Variants in GSTO2 observed in about 807,000 individuals in gnomAD.
GSTO2 encodes the protein glutathione S-transferase omega-2.
In GSTO2, 23 loss-of-function variants were observed where a neutral mutation model predicts 28.4. That is an observed-to-expected ratio of 0.81 (90% CI 0.58 to 1.15). The LOEUF (loss-of-function observed/expected upper bound fraction) is 1.15. Ranked by LOEUF, GSTO2 falls within the 50% of genes most tolerant of loss-of-function variation. The probability of loss-of-function intolerance (pLI) is 0.00; values close to 1 mark genes in which losing one functional copy is unlikely to be tolerated. For missense variants in GSTO2, 298 were observed against 297.8 expected, an observed-to-expected ratio of 1.00 and a Z score of 0.00; for synonymous variants, 109 against 111.0, an observed-to-expected ratio of 0.98 and a Z score of 0.11.
At chr10:104,285,342 C>T (rs948402807) in intron 5 of GSTO2, among the ~76,000 whole-genome samples, 1 of 152,172 alleles carries the variant, frequency 6.6e-6, no homozygotes, top group Non-Finnish European at 1.5e-5. Flanking sequence ...AGTCATGGCT[C>T]ACTGTCGTCT....
At position 104,300,729 on chromosome 10, in the gene GSTO2, C is replaced by T. The variant is rs545156330; in HGVS notation, c.*1445C>T. 1.0e-4 allele frequency: 16 copies of T among 152,410 alleles called. No individual in the cohort carries two copies. The highest frequency in any genetic ancestry group is 3.6e-4 in the African/African-American group (15 of 41,554). 9.4% of individuals were successfully genotyped at this position (152,410 alleles called of 1,614,324 possible). A position where few individuals can be genotyped will look rare whatever the true frequency, so the allele number is the denominator to read the frequency against. ...AGCTTTGCTCATGCTGGATCCTTTC[C>T]CATCCTCCTAGCTGTGCTGAGACAC... On this transcript the variant is annotated 3_prime_UTR_variant, in exon 7 of 7. Transcript: ENST00000338595.
intron 5 of GSTO2, chr10:104,295,343 A>G (rs1471236562): frequency 1.3e-5 from 2 of 152,364 alleles, no homozygotes; most frequent in East Asian, 3.9e-4. Flanking sequence ...GACTTCCAGG[A>G]CAATGATCAG....
At chr10:104,287,540 T>C (rs1269055535) in intron 5 of GSTO2, among the ~76,000 whole-genome samples, 2 of 152,208 alleles carry the variant, frequency 1.3e-5, no homozygotes, top group African/African-American at 4.8e-5. Context: ...AATCTATGTG[T>C]ACTGACATTA....
chr10:104,274,540 C>T, intron 1 of GSTO2, 145 bp from the exon 2 acceptor site: 1 of 315,242 alleles, frequency 3.2e-6, no homozygotes, highest in Non-Finnish European at 5.8e-6. Flanking sequence ...TTTGATTAAA[C>T]TCCTTTGAAA....
rs914595815 is a variant in GSTO2 at position 104,304,764 on chromosome 10, G to A, written c.*5480G>A. 3 of 152,132 alleles carry A rather than the reference G, an allele frequency of 2.0e-5. No homozygotes were observed. The highest frequency in any genetic ancestry group is 7.2e-5 in the African/African-American group (3 of 41,396). The allele number at this position is 152,132 out of a possible 1,614,324, so 9.4% of individuals were successfully genotyped here. On this transcript the variant is annotated 3_prime_UTR_variant, in exon 7 of 7. Transcript: ENST00000338595. ...TGCACATGGCTTGATTCATGGTTTGGAGTTGTTTTCTGGTTGTTTCCTGTG... is the reference window on the plus strand; with the variant it reads ...TGCACATGGCTTGATTCATGGTTTGAAGTTGTTTTCTGGTTGTTTCCTGTG...
intron 5 of GSTO2, among the ~76,000 whole-genome samples, chr10:104,287,888 T>C (rs1589869119): frequency 3.1e-5 from 2 of 65,006 alleles, no homozygotes; most frequent in Non-Finnish European, 6.9e-5. Context: ...AAAAAAACAC[T>C]TTTTTTTTTT....
rs1014665341 is a variant in GSTO2 at position 104,303,636 on chromosome 10, T to C, written c.*4352T>C. Reference sequence around the variant, plus strand: ...CTATGTGGTAGAAAAGAAGAGCCCGTTTTCAGGGAAGGAATTCAAGCAGGC... The same window carrying C: ...CTATGTGGTAGAAAAGAAGAGCCCGCTTTCAGGGAAGGAATTCAAGCAGGC... On this transcript the variant is annotated 3_prime_UTR_variant, in exon 7 of 7. Transcript: ENST00000338595. 1.3e-5 allele frequency: 2 copies of C among 152,128 alleles called. No individual in the cohort carries two copies. The highest frequency in any genetic ancestry group is 2.9e-5 in the Non-Finnish European group (2 of 68,032). 9.4% of individuals were successfully genotyped at this position (152,128 alleles called of 1,614,324 possible).
At chr10:104,292,535 T>C (rs2012824800) in intron 5 of GSTO2, among the ~76,000 whole-genome samples, 1 of 151,852 alleles carries the variant, frequency 6.6e-6, no homozygotes, top group Non-Finnish European at 1.5e-5. Context: ...TGATCACTGC[T>C]CACTTCAGCC....
chr10:104,285,761 C>T (rs1285097975), intron 5 of GSTO2, among the ~76,000 whole-genome samples: 1 of 152,168 alleles, frequency 6.6e-6, no homozygotes, highest in Non-Finnish European at 1.5e-5. Context: ...AGCCACTGCA[C>T]CTGGTAATCT....
At chr10:104,271,888 G>T (rs1026721330) in intron 1 of GSTO2, among the ~76,000 whole-genome samples, 1 of 152,186 alleles carries the variant, frequency 6.6e-6, no homozygotes, top group African/African-American at 2.4e-5. Context: ...GACCATGGAT[G>T]GGCAAATTAA....
chr10:104,283,871 A>C (rs753262447), intron 5 of GSTO2, among the ~76,000 whole-genome samples: 4 of 152,196 alleles, frequency 2.6e-5, no homozygotes, highest in Non-Finnish European at 5.9e-5. Context: ...TTAAATACTC[A>C]TTGTCTTTCT....
chr10:104,270,696 A>G (rs1298114489), intron 1 of GSTO2, among the ~76,000 whole-genome samples: 1 of 152,218 alleles, frequency 6.6e-6, no homozygotes, highest in Non-Finnish European at 1.5e-5. Flanking sequence ...ACAATAAGGG[A>G]ACACCCAGTA....
At chr10:104,290,242 A>G (rs894663934) in intron 5 of GSTO2, among the ~76,000 whole-genome samples, 1 of 152,160 alleles carries the variant, frequency 6.6e-6, no homozygotes, top group Non-Finnish European at 1.5e-5. Context: ...GTGGTGGCTC[A>G]CTCCTGTAAT....
At chr10:104,270,216 T>C (rs1463886646) in intron 1 of GSTO2, among the ~76,000 whole-genome samples, 1 of 152,016 alleles carries the variant, frequency 6.6e-6, no homozygotes, top group Non-Finnish European at 1.5e-5. Flanking sequence ...GGTTTCACCG[T>C]GTTAGCCAGG....
At position 104,277,885 on chromosome 10, in the gene GSTO2, CT is replaced by C. The variant is rs34199276; in HGVS notation, c.144-4del. The C allele has an allele frequency of 6.9e-5, 111 of 1,599,004 alleles. No individual in the cohort carries two copies. The highest frequency in any genetic ancestry group is 9.2e-5 in the Non-Finnish European group (107 of 1,166,752). ...TTTGTTCTGTCTTGTTTTCCTTTTGCTTTTTAAGACATGAAGTGGTCAACAT... is the reference window on the plus strand; with the variant it reads ...TTTGTTCTGTCTTGTTTTCCTTTTGCTTTTAAGACATGAAGTGGTCAACAT... On this transcript the variant is annotated splice_polypyrimidine_tract_variant and splice_region_variant and intron_variant, in intron 3 of 6. Coordinates refer to ENST00000338595, the MANE Select transcript of GSTO2 (RefSeq NM_183239.2).
chr10:104,293,962 C>T (rs896777729), intron 5 of GSTO2, among the ~76,000 whole-genome samples: 28 of 152,144 alleles, frequency 1.8e-4, no homozygotes, highest in Admixed American at 1.3e-4. Flanking sequence ...GACTGGGTTT[C>T]CTCCTCTGCA....
Position 104,274,052 on chromosome 10 carries a change from C to T in GSTO2, c.-231-633C>T, listed in dbSNP as rs1288085945. 2.0e-5 allele frequency among the ~76,000 whole-genome samples: 3 copies of T among 152,192 alleles called. No homozygotes were observed. The East Asian group carries it at 5.8e-4, about 29-fold the overall frequency. Reference sequence around the variant, plus strand: ...CTTATCAGCATCAGAGCCAAAGCCACGTCTATTATCTCACGTAAACAGAAA... The same window carrying T: ...CTTATCAGCATCAGAGCCAAAGCCATGTCTATTATCTCACGTAAACAGAAA... On this transcript the variant is annotated intron_variant, in intron 1 of 6. Transcript: ENST00000338595.
intron 5 of GSTO2, among the ~76,000 whole-genome samples, chr10:104,282,089 C>G (rs1193538160): frequency 6.6e-6 from 1 of 151,730 alleles, no homozygotes; most frequent in African/African-American, 2.4e-5. Flanking sequence ...TGAAGCCTGT[C>G]AAGCAGGAGA....
intron 5 of GSTO2, among the ~76,000 whole-genome samples, chr10:104,292,321 G>A (rs1355734187): frequency 1.3e-5 from 2 of 151,184 alleles, no homozygotes; most frequent in Non-Finnish European, 1.5e-5. Context: ...ACTACACCCA[G>A]CTAACTTTTT....
Sources: allele counts gnomAD v4.1 joint callset (sites outside exome capture counted in the v4.1 genomes callset), GRCh38; gene constraint gnomAD v4.1.1; transcripts MANE v1.5; gene names NCBI Gene and HGNC (gene_info 2026-07-23, HGNC 2026-07-21).